CNOT6: variants seen among roughly 807,000 people sequenced by gnomAD.
CNOT6 encodes the protein CCR4-NOT transcription complex subunit 6.
In CNOT6, 12 loss-of-function variants were observed where a neutral mutation model predicts 61.2. The ratio of observed to expected loss-of-function variants is 0.20; its 90% CI spans 0.13 to 0.32. The LOEUF (loss-of-function observed/expected upper bound fraction) is 0.32. CNOT6 is among the 10% of genes least tolerant of loss of function. The pLI is 1.00. For missense variants in CNOT6, 405 were observed against 663.9 expected, an observed-to-expected ratio of 0.61 and a Z score of 4.28; for synonymous variants, 225 against 240.6, an observed-to-expected ratio of 0.94 and a Z score of 0.60.
In CNOT6 at chr5:180,537,535, CT is replaced by C. The variant is rs1178562936; in HGVS notation, c.112+8151del. 5.9e-5 allele frequency among the ~76,000 whole-genome samples: 9 copies of C among 151,962 alleles called. No individual in the cohort carries two copies. In the East Asian group the frequency reaches 1.5e-3, roughly 26 times the overall value. On this transcript the variant is annotated intron_variant, in intron 2 of 11. Transcript: ENST00000261951. The stretch of plus-strand genomic sequence containing the variant: ...AAACTTTTAAAAAATGCGGATATGT[CT>C]TTTGCAAAAATATCTCCCGGTCTGT...
At chr5:180,510,134 C>CTTTTT (rs56899929) in intron 1 of CNOT6, among the ~76,000 whole-genome samples, 497 of 37,376 alleles carry the variant, frequency 0.013, 59 homozygotes, top group East Asian at 0.015. Flanking sequence ...GTCTGTAAAC[C>CTTTTT]TTTTTTTTTT....
chr5:180,498,955 A>AT (rs1432833120), intron 1 of CNOT6, among the ~76,000 whole-genome samples: 2 of 152,024 alleles, frequency 1.3e-5, no homozygotes, highest in African/African-American at 2.4e-5. Flanking sequence ...ACGCCGACTA[A>AT]TTTTTTTGTA....
At chr5:180,541,441 A>ATTTTTTTTTTTT (rs1163850404) in intron 2 of CNOT6, among the ~76,000 whole-genome samples, 2 of 106,578 alleles carry the variant, frequency 1.9e-5, no homozygotes, top group African/African-American at 8.1e-5. Flanking sequence ...TGGCCAAGAA[A>ATTTTTTTTTTTT]TTTTTTTTTT....
chr5:180,568,131 G>A (rs1426552839), intron 9 of CNOT6, 128 bp downstream of exon 9: 1 of 857,364 alleles, frequency 1.2e-6, no homozygotes, highest in Non-Finnish European at 1.7e-6. Flanking sequence ...GTGAGAAGTT[G>A]TCTTTCCTAA....
At chr5:180,499,039 C>G (rs991134633) in intron 1 of CNOT6, among the ~76,000 whole-genome samples, 1 of 152,194 alleles carries the variant, frequency 6.6e-6, no homozygotes, top group African/African-American at 2.4e-5. Flanking sequence ...GATCTGCCCA[C>G]CTTGGCCTCC....
intron 2 of CNOT6, among the ~76,000 whole-genome samples, chr5:180,535,336 T>C (rs781742807): frequency 1.3e-5 from 2 of 152,248 alleles, no homozygotes; most frequent in Non-Finnish European, 2.9e-5. Flanking sequence ...TTTGGAATCT[T>C]CAGTGTCTGT....
In CNOT6 at chr5:180,576,055, A is replaced by C. The variant is rs915829565; in HGVS notation, c.*1855A>C. On this transcript the variant is annotated 3_prime_UTR_variant, in exon 12 of 12. Coordinates refer to ENST00000261951, the MANE Select transcript of CNOT6 (RefSeq NM_001370472.1). ...TTTGCTTTTTGTTTAAGTTGTGCTG[A>C]CACCAAACACATCCAGTTTATAATC... The C allele has an allele frequency of 5.9e-5, 9 of 152,536 alleles. No homozygotes were observed. Among genetic ancestry groups the C allele is most frequent in the African/African-American group, 2.2e-4 (9 of 41,430 alleles). The allele number at this position is 152,536 out of a possible 1,614,324, so 9.4% of individuals were successfully genotyped here. A position where few individuals can be genotyped will look rare whatever the true frequency, so the allele number is the denominator to read the frequency against.
intron 3 of CNOT6, among the ~76,000 whole-genome samples, chr5:180,552,224 T>G (rs1030316368): frequency 3.3e-5 from 5 of 152,212 alleles, no homozygotes; most frequent in South Asian, 2.1e-4. Flanking sequence ...GAGCCAGATA[T>G]CAGAACTTGC....
intron 1 of CNOT6, among the ~76,000 whole-genome samples, chr5:180,497,324 T>TAAA (rs1756656123): frequency 5.2e-5 from 2 of 38,716 alleles, no homozygotes; most frequent in African/African-American, 2.6e-4. Context: ...AAACTCCGTC[T>TAAA]CAAAAAAAAA....
intron 4 of CNOT6, among the ~76,000 whole-genome samples, chr5:180,555,024 T>A (rs564673031): frequency 7.2e-5 from 11 of 152,060 alleles, no homozygotes; most frequent in Middle Eastern, 3.4e-3. Flanking sequence ...TTTTTTTTTT[T>A]GAGAGAGAGT....
intron 9 of CNOT6, 71 bp from the exon 10 acceptor site, chr5:180,569,039 G>T: frequency 9.0e-7 from 1 of 1,114,082 alleles, no homozygotes; most frequent in South Asian, 1.5e-5. Flanking sequence ...TTTGCTTTCA[G>T]ACGCTGTAAG....
chr5:180,537,027 C>G (rs1758729902), intron 2 of CNOT6, among the ~76,000 whole-genome samples: 1 of 152,154 alleles, frequency 6.6e-6, no homozygotes, highest in African/African-American at 2.4e-5. Context: ...TCTGGATGTA[C>G]CAGTTTATTT....
At chr5:180,573,551 CAGTGTGTG>C (rs1335245235) in intron 11 of CNOT6, among the ~76,000 whole-genome samples, 6 of 94,532 alleles carry the variant, frequency 6.3e-5, no homozygotes, top group Admixed American at 1.2e-4. Context: ...TGGAGGGGGG[CAGTGTGTG>C]TGTGTGTGTG....
Position 180,575,222 on chromosome 5 carries a change from GTT to G in CNOT6, c.*1024_*1025del, listed in dbSNP as rs1416710495. 1 of 152,454 alleles carries G rather than the reference GTT, an allele frequency of 6.6e-6. No individual in the cohort carries two copies. Among genetic ancestry groups the G allele is most frequent in the East Asian group, 1.9e-4 (1 of 5,196 alleles). The allele number at this position is 152,454 out of a possible 1,614,324, so 9.4% of individuals were successfully genotyped here. A position where few individuals can be genotyped will look rare whatever the true frequency, so the allele number is the denominator to read the frequency against. On this transcript the variant is annotated 3_prime_UTR_variant, in exon 12 of 12. Coordinates refer to ENST00000261951, the MANE Select transcript of CNOT6 (RefSeq NM_001370472.1). ...TCCTCTTTTATATTTTTAAAATACT[GTT>G]TAACATTTGTGAGAATTTTATGAAA...
In CNOT6 at chr5:180,494,574, G is replaced by A. The variant is rs1022697496; in HGVS notation, c.-192G>A. 1.3e-5 allele frequency: 2 copies of A among 153,302 alleles called. No homozygotes were observed. Among genetic ancestry groups the A allele is most frequent in the Admixed American group, 6.6e-5 (1 of 15,196 alleles). The allele number at this position is 153,302 out of a possible 1,614,324, so 9.5% of individuals were successfully genotyped here. On this transcript the variant is annotated 5_prime_UTR_variant, in exon 1 of 12. Transcript: ENST00000261951. Reference sequence around the variant, plus strand: ...AGTGGCGGCCCGTCGGGGCGGCTGAGGCGGGCAGCCGAAGCAGTGGCTCTC... The same window carrying A: ...AGTGGCGGCCCGTCGGGGCGGCTGAAGCGGGCAGCCGAAGCAGTGGCTCTC...
intron 1 of CNOT6, among the ~76,000 whole-genome samples, chr5:180,516,025 C>T (rs1156632110): frequency 1.3e-5 from 2 of 152,130 alleles, no homozygotes; most frequent in African/African-American, 4.8e-5. Flanking sequence ...ATTCTCCCAC[C>T]TCAGCCTCTC....
intron 1 of CNOT6, among the ~76,000 whole-genome samples, chr5:180,513,063 A>G (rs1260305571): frequency 2.7e-5 from 4 of 150,528 alleles, no homozygotes; most frequent in Admixed American, 2.7e-4. Context: ...TGCCCGGATA[A>G]TTTTTTTGTG....
chr5:180,573,599 GTGTC>G (rs1234373242), intron 11 of CNOT6, among the ~76,000 whole-genome samples: 2 of 10,852 alleles, frequency 1.8e-4, no homozygotes, highest in Non-Finnish European at 5.7e-4. Context: ...GTGTGTGTGT[GTGTC>G]CGTCCGTCCG....
At chr5:180,521,047 G>GT (rs1260521380) in intron 1 of CNOT6, among the ~76,000 whole-genome samples, 1 of 151,920 alleles carries the variant, frequency 6.6e-6, no homozygotes, top group Non-Finnish European at 1.5e-5. Flanking sequence ...GTTTCATCGT[G>GT]TTGCTGGTCA....
Sources: allele counts gnomAD v4.1 joint callset (sites outside exome capture counted in the v4.1 genomes callset), GRCh38; gene constraint gnomAD v4.1.1; transcripts MANE v1.5; gene names NCBI Gene and HGNC (gene_info 2026-07-23, HGNC 2026-07-21).